Variants in KDM4C observed in about 807,000 individuals in gnomAD.
KDM4C encodes lysine-specific demethylase 4C.
Under a neutral mutation model 129.3 loss-of-function variants are expected in KDM4C, and 81 were observed. That is an observed-to-expected ratio of 0.63 (90% confidence interval 0.52 to 0.75). The LOEUF is 0.75. Ranked by LOEUF, KDM4C falls within the 30% of genes least tolerant of loss-of-function variation. The pLI, the probability that KDM4C is intolerant of heterozygous loss-of-function variation, is 0.00. For synonymous variants in KDM4C, 573 were observed against 456.1 expected (o/e 1.26, Z -3.26); for missense variants, 1,457 against 1,304.0 (o/e 1.12, Z -1.81).
At chr9:6,835,320 C>A (rs1835684831) in intron 4 of KDM4C, 1 of 942,908 alleles carries the variant, frequency 1.1e-6, no homozygotes, top group East Asian at 2.4e-5. Context: ...TGGACATCCA[C>A]AAAGACCTTT....
chr9:7,026,196 C>T (rs1244195575), intron 15 of KDM4C, among the ~76,000 whole-genome samples: 6 of 149,334 alleles, frequency 4.0e-5, no homozygotes, highest in Admixed American at 6.7e-5. Flanking sequence ...CAGAGCGAGA[C>T]GCCATCTCAA....
intron 19 of KDM4C, among the ~76,000 whole-genome samples, chr9:7,148,009 C>T (rs570347965): frequency 3.3e-5 from 5 of 152,324 alleles, no homozygotes; most frequent in Admixed American, 1.3e-4. Context: ...CTTGGAGCGG[C>T]GAGGTTGTGT....
chr9:6,932,992 C>G (rs1466188921), intron 8 of KDM4C, among the ~76,000 whole-genome samples: 1 of 151,802 alleles, frequency 6.6e-6, no homozygotes, highest in Non-Finnish European at 1.5e-5. Context: ...AGCTGTTTAT[C>G]TTATTGCTGC....
At chr9:7,046,489 C>T (rs1365378564) in intron 15 of KDM4C, among the ~76,000 whole-genome samples, 1 of 152,000 alleles carries the variant, frequency 6.6e-6, no homozygotes, top group East Asian at 1.9e-4. Context: ...CACAAGGCTA[C>T]ACCGTCGTGT....
rs552100085 is a variant in KDM4C at position 7,078,302 on chromosome 9, A to G, written c.2425-25383A>G. ...TTAAATCAGATAAAATGTTATTTAA[A>G]CACCATAGTTTTTTATATAACTTTG... On this transcript the variant is annotated intron_variant, in intron 17 of 21. Coordinates refer to ENST00000381309, the MANE Select transcript of KDM4C (RefSeq NM_015061.6). Among the ~76,000 whole-genome samples, 12 of 152,296 alleles carry G rather than the reference A, an allele frequency of 7.9e-5. No individual in the cohort carries two copies. In the South Asian group the frequency reaches 1.4e-3, roughly 18 times the overall value.
intron 2 of KDM4C, 43 bp from the exon 3 acceptor site, chr9:6,805,556 A>T (rs1229280288): frequency 7.1e-7 from 1 of 1,407,796 alleles, no homozygotes; most frequent in Admixed American, 2.0e-5. Flanking sequence ...AATTACTTGG[A>T]GTATTTTCAA....
At chr9:6,947,195 T>C (rs187517160) in intron 8 of KDM4C, among the ~76,000 whole-genome samples, 99 of 152,310 alleles carry the variant, frequency 6.5e-4, no homozygotes, top group African/African-American at 2.2e-3. Context: ...TTAGAGTTTC[T>C]ACAACCGTAC....
intron 10 of KDM4C, 112 bp downstream of exon 10, chr9:6,984,516 C>G: frequency 1.4e-6 from 1 of 707,056 alleles, no homozygotes; most frequent in Non-Finnish European, 2.5e-6. Context: ...ATAGCTTAAT[C>G]AGTAATCTAC....
intron 8 of KDM4C, among the ~76,000 whole-genome samples, chr9:6,937,193 G>A (rs1824965231): frequency 6.6e-6 from 1 of 152,132 alleles, no homozygotes; most frequent in African/African-American, 2.4e-5. Flanking sequence ...GATTACAGGT[G>A]TGAGCCGCCT....
intron 15 of KDM4C, among the ~76,000 whole-genome samples, chr9:7,033,518 G>C (rs376815923): frequency 2.0e-5 from 3 of 152,180 alleles, no homozygotes; most frequent in South Asian, 4.1e-4. Flanking sequence ...CCAAACAGAA[G>C]AGCACATAAG....
intron 1 of KDM4C, chr9:6,726,715 A>T (rs1817143923): frequency 6.6e-6 from 1 of 152,088 alleles, no homozygotes; most frequent in South Asian, 2.1e-4. Context: ...GAATTGCCTT[A>T]ATCTTTTTAT....
chr9:7,114,144 C>T (rs1838639773), intron 18 of KDM4C, among the ~76,000 whole-genome samples: 1 of 152,164 alleles, frequency 6.6e-6, no homozygotes, highest in East Asian at 1.9e-4. Context: ...TGCTACCATA[C>T]TACTCCTTAT....
intron 4 of KDM4C, among the ~76,000 whole-genome samples, chr9:6,833,000 T>A (rs1835186225): frequency 6.6e-6 from 1 of 151,974 alleles, no homozygotes. Context: ...CCTCCCAAAG[T>A]GCTAGCATTA....
At chr9:7,042,919 A>T (rs138883491) in intron 15 of KDM4C, among the ~76,000 whole-genome samples, 1 of 152,080 alleles carries the variant, frequency 6.6e-6, no homozygotes, top group Non-Finnish European at 1.5e-5. Flanking sequence ...TGTTGTTGGC[A>T]TATAGGCACA....
At chr9:7,105,146 C>G (rs1016622838) in intron 18 of KDM4C, among the ~76,000 whole-genome samples, 1 of 152,112 alleles carries the variant, frequency 6.6e-6, no homozygotes, top group Admixed American at 6.6e-5. Flanking sequence ...TTAAAAATAC[C>G]TAGTAATAAC....
intron 18 of KDM4C, among the ~76,000 whole-genome samples, chr9:7,105,736 GT>G (rs766691346): frequency 5.9e-5 from 9 of 152,148 alleles, no homozygotes; most frequent in Non-Finnish European, 1.0e-4. Context: ...AAGCCCTGTG[GT>G]TACTGATGAC....
chr9:7,128,032 T>G (rs780140373), intron 18 of KDM4C, 34 bp from the exon 19 acceptor site: 36 of 1,385,678 alleles, frequency 2.6e-5, no homozygotes, highest in Non-Finnish European at 3.4e-5. Context: ...GTTCTCTTAC[T>G]TCTTTTCTTC....
intron 12 of KDM4C, among the ~76,000 whole-genome samples, chr9:7,004,465 C>T (rs1821289622): frequency 6.6e-6 from 1 of 151,908 alleles, no homozygotes; most frequent in Admixed American, 6.6e-5. Flanking sequence ...TTTTGTGCTC[C>T]CATTTTTTAT....
intron 1 of KDM4C, among the ~76,000 whole-genome samples, chr9:6,746,658 T>A (rs1002721006): frequency 1.3e-5 from 2 of 149,936 alleles, no homozygotes; most frequent in Non-Finnish European, 3.0e-5. Flanking sequence ...GGTGGGAGGA[T>A]CGCTTGAGCC....
Sources: gnomAD v4.1 joint callset for allele counts (sites outside exome capture counted in the v4.1 genomes callset) on GRCh38, gnomAD v4.1.1 for gene constraint, MANE v1.5 for transcripts, NCBI Gene and HGNC (gene_info 2026-07-23, HGNC 2026-07-21) for gene names.